The following CD84 variants were observed in gnomAD, a reference collection of about 807,000 sequenced individuals.
CD84 encodes the protein CD84 molecule.
Under a neutral mutation model 33.8 loss-of-function variants are expected in CD84, and 22 were observed. The ratio of observed to expected loss-of-function variants is 0.65; its 90% CI spans 0.46 to 0.93. The LOEUF (loss-of-function observed/expected upper bound fraction) is 0.93, where lower values mean the gene tolerates loss of function less well. Ranked by LOEUF, CD84 falls within the 40% of genes least tolerant of loss-of-function variation. The pLI is 0.00. For synonymous variants in CD84, 154 were observed against 145.2 expected (o/e 1.06, Z -0.44); for missense variants, 400 against 397.6 (o/e 1.01, Z -0.05).
chr1:160,565,860 T>G, intron 1 of CD84, 115 bp from the exon 2 acceptor site: 1 of 829,840 alleles, frequency 1.2e-6, no homozygotes, highest in Non-Finnish European at 1.8e-6. Flanking sequence ...TCACCCAGTT[T>G]CTTGAGGATG....
Position 160,550,920 on chromosome 1 carries a change from TGAATTGCATCAGCTCACCTTG to T in CD84, c.855_858+17del, listed in dbSNP as rs1236127192. The T allele has an allele frequency of 3.4e-5, 55 of 1,610,984 alleles. No homozygotes were observed. The highest frequency in any genetic ancestry group is 4.6e-5 in the Non-Finnish European group (54 of 1,177,290). ...GGAGATGGTGGCACAGGGGTGTCCA[TGAATTGCATCAGCTCACCTTG>T]GACTGCAGGATTTCATCATAGATTC... is the stretch of plus-strand genomic sequence containing the variant. On this transcript the variant is annotated splice_donor_variant and splice_donor_5th_base_variant and coding_sequence_variant and intron_variant, in exon 5 of 7. Transcript: ENST00000368054. LOFTEE classifies it high-confidence loss of function.
In CD84 at chr1:160,553,474, G is replaced by A. The variant is rs145496946; in HGVS notation, c.664C>T (p.His222Tyr). 289 of 1,614,006 alleles carry A rather than the reference G, an allele frequency of 1.8e-4. No individual in the cohort carries two copies. Among genetic ancestry groups the A allele is most frequent in the Non-Finnish European group, 2.4e-4 (283 of 1,180,024 alleles). Reference sequence around the variant, plus strand: ...AGCACGCTCAGCAACCCGGTGTGGTGAGTACGGAAGCCCATTGCGATGTCT... The same window carrying A: ...AGCACGCTCAGCAACCCGGTGTGGTAAGTACGGAAGCCCATTGCGATGTCT... Reference protein sequence around the residue: ...CADIAMGFRTHHTGLLSVLAM... With the variant: ...CADIAMGFRTYHTGLLSVLAM... Residue 222 changes from histidine (H) to tyrosine (Y), a missense_variant, in exon 4 of 7, where the codon CAC (histidine) becomes TAC (tyrosine). Physicochemically the swap from His to Tyr is moderately conservative, Grantham distance 83 (BLOSUM62 2). Coordinates refer to ENST00000368054, the MANE Select transcript of CD84 (RefSeq NM_003874.4).
chr1:160,546,731 A>G lies in CD84; in HGVS notation c.*1525T>C, dbSNP rs1655849925. 1 of 160,012 alleles carries G rather than the reference A, an allele frequency of 6.2e-6. No homozygotes were observed. The highest frequency in any genetic ancestry group is 2.0e-4 in the South Asian group (1 of 4,890). 9.9% of individuals were successfully genotyped at this position (160,012 alleles called of 1,614,324 possible). ...CCCAGCTTCAGCCCTGCCCCCTCATAAGGTATTTTTCTGACTGTTCATGCT... is the reference window on the plus strand; with the variant it reads ...CCCAGCTTCAGCCCTGCCCCCTCATGAGGTATTTTTCTGACTGTTCATGCT... On this transcript the variant is annotated 3_prime_UTR_variant, in exon 7 of 7. Transcript: ENST00000368054.
rs1449113603 is a variant in CD84, at chr1:160,548,187, G to T, written c.*69C>A. 6.6e-7 allele frequency: 1 copy of T among 1,522,152 alleles called. No homozygotes were observed. The highest frequency in any genetic ancestry group is 9.1e-7 in the Non-Finnish European group (1 of 1,097,932). The allele number at this position is 1,522,152 out of a possible 1,614,324, so 94.3% of individuals were successfully genotyped here. The stretch of plus-strand genomic sequence containing the variant: ...AGTAAGAGTTGGGCAGAGAAGATCT[G>T]GATCCAGGGAACCTGCCAGTATTGG... On this transcript the variant is annotated 3_prime_UTR_variant, in exon 7 of 7. Coordinates refer to ENST00000368054, the MANE Select transcript of CD84 (RefSeq NM_003874.4).
At chr1:160,558,317 G>C (rs191021096) in intron 2 of CD84, among the ~76,000 whole-genome samples, 1 of 152,154 alleles carries the variant, frequency 6.6e-6, no homozygotes, top group Non-Finnish European at 1.5e-5. Flanking sequence ...GACTTCACTC[G>C]TGATACCTCC....
At chr1:160,552,683 A>G (rs1243117868) in intron 4 of CD84, 2 of 1,529,204 alleles carry the variant, frequency 1.3e-6, no homozygotes, top group East Asian at 4.9e-5. Context: ...TTATTCAAGG[A>G]ACTTTGTGGC....
chr1:160,555,081 CTTTT>C (rs35518975), intron 2 of CD84, among the ~76,000 whole-genome samples: 1 of 138,496 alleles, frequency 7.2e-6, no homozygotes, highest in Non-Finnish European at 1.6e-5. Context: ...ATGAAATAAT[CTTTT>C]TTTTTTTTTT....
Position 160,544,753 on chromosome 1 carries a change from TTTC to T in CD84, c.*3500_*3502del, listed in dbSNP as rs1463116023. 7 of 152,234 alleles carry T rather than the reference TTTC, an allele frequency of 4.6e-5. No homozygotes were observed. The highest frequency in any genetic ancestry group is 1.7e-4 in the African/African-American group (7 of 41,444). 9.4% of individuals were successfully genotyped at this position (152,234 alleles called of 1,614,324 possible). On this transcript the variant is annotated 3_prime_UTR_variant, in exon 7 of 7. Coordinates refer to ENST00000368054, the MANE Select transcript of CD84 (RefSeq NM_003874.4). ...AAATCATATTTTAAACAAGCTTCAC[TTTC>T]TTCTTCTAAGAATCATGAGCTGCAA...
intron 4 of CD84, among the ~76,000 whole-genome samples, chr1:160,552,539 A>C (rs1656303325): frequency 1.3e-5 from 2 of 152,254 alleles, no homozygotes; most frequent in Admixed American, 1.3e-4. Context: ...ACAACTGAGA[A>C]AATGGAAGCT....
intron 6 of CD84, among the ~76,000 whole-genome samples, chr1:160,548,888 C>T (rs1255909765): frequency 1.3e-5 from 2 of 152,160 alleles, no homozygotes; most frequent in East Asian, 1.9e-4. Flanking sequence ...ATTAATCCCT[C>T]GAATTTTATC....
intron 1 of CD84, among the ~76,000 whole-genome samples, chr1:160,577,745 C>T (rs1219991991): frequency 1.3e-5 from 2 of 152,152 alleles, no homozygotes; most frequent in African/African-American, 4.8e-5. Context: ...GGTACCATGG[C>T]AAGTGTTGTA....
chr1:160,565,628 G>A lies in CD84; in HGVS notation c.164C>T (p.Thr55Ile), dbSNP rs1266095933. Residue 55 changes from threonine to isoleucine, a missense_variant, in exon 2 of 7, where the codon ACT becomes ATT. Thr to Ile is a moderately conservative substitution (Grantham distance 89). Coordinates refer to ENST00000368054, the MANE Select transcript of CD84 (RefSeq NM_003874.4). ...TACATAAGCAACAGATGTTTTAGAA[G>A]TCCAAGCAATGATTTTAACTTGCCG... is the stretch of plus-strand genomic sequence containing the variant. ...EPRQVKIIAWTSKTSVAYVTP... is the reference protein window; with the variant it reads ...EPRQVKIIAWISKTSVAYVTP... 1 of 1,613,978 alleles carries A rather than the reference G, an allele frequency of 6.2e-7. No homozygotes were observed. Among genetic ancestry groups the A allele is most frequent in the South Asian group, 1.1e-5 (1 of 91,070 alleles).
rs149513465 is a variant in CD84, at chr1:160,568,797, T to G, written c.47-3052A>C. ...CATCACGGCTAGCTAGTTTTTGTAT[T>G]TTTAGTAGAGACGGGGTTTCACCAT... is the stretch of plus-strand genomic sequence containing the variant. On this transcript the variant is annotated intron_variant, in intron 1 of 6. Coordinates refer to ENST00000368054, the MANE Select transcript of CD84 (RefSeq NM_003874.4). Among the ~76,000 whole-genome samples, 41 of 152,242 alleles carry G rather than the reference T, an allele frequency of 2.7e-4. No individual in the cohort carries two copies. In the East Asian group the frequency reaches 7.2e-3, roughly 27 times the overall value.
chr1:160,579,174 A>G (rs1212052342), intron 1 of CD84, among the ~76,000 whole-genome samples: 4 of 152,144 alleles, frequency 2.6e-5, no homozygotes, highest in Non-Finnish European at 4.4e-5. Flanking sequence ...TCTCAGAAAT[A>G]TAACTCAGTA....
intron 2 of CD84, among the ~76,000 whole-genome samples, chr1:160,562,078 G>A (rs772620472): frequency 6.6e-6 from 1 of 152,064 alleles, no homozygotes; most frequent in Non-Finnish European, 1.5e-5. Context: ...AAATCAGAGA[G>A]GACACAAATA....
chr1:160,553,488 A>G lies in CD84; in HGVS notation c.650T>C (p.Met217Thr), dbSNP rs371708588. Residue 217 changes from methionine to threonine, a missense_variant, in exon 4 of 7, where the codon ATG becomes ACG. Met to Thr is a moderately conservative substitution (Grantham distance 81, BLOSUM62 -1). Coordinates refer to ENST00000368054, the MANE Select transcript of CD84 (RefSeq NM_003874.4). Reference sequence around the variant, plus strand: ...CCCGGTGTGGTGAGTACGGAAGCCCATTGCGATGTCTGGAAATAGAAGATG... The same window carrying G: ...CCCGGTGTGGTGAGTACGGAAGCCCGTTGCGATGTCTGGAAATAGAAGATG... ...SARQLCADIA[M>T]GFRTHHTGLL... The G allele has an allele frequency of 2.1e-5, 34 of 1,614,006 alleles. 2 individuals carry two copies. In the South Asian group the frequency reaches 3.3e-4, roughly 16 times the overall value.
intron 1 of CD84, among the ~76,000 whole-genome samples, chr1:160,566,782 C>T (rs1657355717): frequency 6.6e-6 from 1 of 152,134 alleles, no homozygotes; most frequent in Non-Finnish European, 1.5e-5. Context: ...GGAACATTTC[C>T]TAGTGAAAAC....
Position 160,547,716 on chromosome 1 carries a change from C to T in CD84, c.*540G>A, listed in dbSNP as rs1278350978. 3.8e-5 allele frequency: 6 copies of T among 159,026 alleles called. No homozygotes were observed. The highest frequency in any genetic ancestry group is 3.8e-4 in the South Asian group (2 of 5,290). The allele number at this position is 159,026 out of a possible 1,614,324, so 9.9% of individuals were successfully genotyped here. ...GGGGAAGGGCTGCATCTGCCTCAAG[C>T]GAAGGGTACATTTTCCTAATTTGCT... On this transcript the variant is annotated 3_prime_UTR_variant, in exon 7 of 7. Transcript: ENST00000368054.
chr1:160,574,792 G>A (rs1457295513), intron 1 of CD84, among the ~76,000 whole-genome samples: 2 of 152,082 alleles, frequency 1.3e-5, no homozygotes, highest in African/African-American at 4.8e-5. Flanking sequence ...CATTGGTGAA[G>A]GTAATAGTAG....
Sources: gnomAD v4.1 joint callset for allele counts (sites outside exome capture counted in the v4.1 genomes callset) on GRCh38, gnomAD v4.1.1 for gene constraint, MANE v1.5 for transcripts, NCBI Gene and HGNC (gene_info 2026-07-23, HGNC 2026-07-21) for gene names.